ABCA4: variants seen among roughly 807,000 people sequenced by gnomAD.
ABCA4 encodes ATP binding cassette subfamily A member 4, also known as retinal-specific phospholipid-transporting ATPase ABCA4.
A neutral mutation model predicts 263.7 loss-of-function variants in ABCA4; 196 were observed. The ratio of observed to expected loss-of-function variants is 0.74; its 90% CI spans 0.66 to 0.84. ABCA4 has a LOEUF of 0.84. Among genes scored for constraint, ABCA4 ranks in the 40% least tolerant of loss-of-function variants. The probability of loss-of-function intolerance (pLI) is 0.00; values close to 1 mark genes in which losing one functional copy is unlikely to be tolerated. For missense variants in ABCA4, 2,792 were observed against 2,855.1 expected, an observed-to-expected ratio of 0.98 and a Z score of 0.50; for synonymous variants, 1,133 against 1,094.2, an observed-to-expected ratio of 1.04 and a Z score of -0.70.
intron 14 of ABCA4, among the ~76,000 whole-genome samples, chr1:94,058,338 C>G (rs1661032293): frequency 6.6e-6 from 1 of 152,146 alleles, no homozygotes; most frequent in African/African-American, 2.4e-5. Flanking sequence ...TTGCAGTTCT[C>G]AGAAGAATGA....
At chr1:94,114,946 G>T (rs971615656) in intron 1 of ABCA4, among the ~76,000 whole-genome samples, 1 of 152,176 alleles carries the variant, frequency 6.6e-6, no homozygotes, top group Non-Finnish European at 1.5e-5. Context: ...CTCATAATAG[G>T]TGCCCAATAA....
intron 11 of ABCA4, among the ~76,000 whole-genome samples, chr1:94,067,044 C>T (rs960877399): frequency 2.0e-5 from 3 of 152,076 alleles, no homozygotes; most frequent in South Asian, 2.1e-4. Context: ...GCTTGTTCGC[C>T]GTGGTCTCTA....
intron 19 of ABCA4, among the ~76,000 whole-genome samples, chr1:94,046,556 C>G (rs745729388): frequency 9.2e-5 from 14 of 151,628 alleles, no homozygotes; most frequent in Non-Finnish European, 1.3e-4. Context: ...TGATCACCAC[C>G]ATGGACTGTT....
intron 11 of ABCA4, among the ~76,000 whole-genome samples, chr1:94,064,962 T>C (rs1007347): frequency 0.35 from 52,404 of 151,830 alleles, 9,788 homozygotes; most frequent in East Asian, 0.7. Flanking sequence ...GAAGACTGGG[T>C]TATTGATGTA....
At chr1:94,060,843 G>A (rs1661103434) in intron 13 of ABCA4, 84 bp from the exon 14 acceptor site, 1 of 1,164,714 alleles carries the variant, frequency 8.6e-7, no homozygotes, top group Non-Finnish European at 1.3e-6. Context: ...TGAATGTGTT[G>A]AGAACAAAGC....
rs200277065 is a variant in ABCA4 at position 94,056,769 on chromosome 1, C to A, written c.2214G>T (p.Leu738Phe). ...SDPFILFLFL[L>F]AFSTATIMLC... The stretch of plus-strand genomic sequence containing the variant: ...GCATGATGGTGGCAGTGGAGAAAGC[C>A]AACAAGAACAGGAAGAGGATGAATG... The change falls in exon 15 of 50, where the codon TTG (leucine) becomes TTT (phenylalanine). Residue 738 changes from leucine to phenylalanine, a missense_variant. Physicochemically the swap from Leu to Phe is conservative, Grantham distance 22. Transcript: ENST00000370225. The A allele has an allele frequency of 1.2e-6, 2 of 1,613,190 alleles. No homozygotes were observed. Among genetic ancestry groups the A allele is most frequent in the East Asian group, 4.5e-5 (2 of 44,826 alleles).
rs796395227 is a variant in ABCA4, at chr1:94,028,925, A to AC, written c.4539+519_4539+520insG. ...CTGTCTCAAAAAAAAAAAAAAAAAA[A>AC]AAAAAGAAATTCAAACAATGGGATA... On this transcript the variant is annotated intron_variant, in intron 30 of 49. Coordinates refer to ENST00000370225, the MANE Select transcript of ABCA4 (RefSeq NM_000350.3). Among the ~76,000 whole-genome samples, 193 of 127,518 alleles carry AC rather than the reference A, an allele frequency of 1.5e-3. 15 individuals carry two copies. Among genetic ancestry groups the AC allele is most frequent in the African/African-American group, 4.5e-3 (177 of 39,172 alleles). The allele number at this position is 127,518 out of a possible 152,430, so 83.7% of individuals were successfully genotyped here. A position where few individuals can be genotyped will look rare whatever the true frequency, so the allele number is the denominator to read the frequency against.
chr1:94,049,318 G>A (rs1157294678), intron 17 of ABCA4, among the ~76,000 whole-genome samples: 1 of 152,196 alleles, frequency 6.6e-6, no homozygotes, highest in African/African-American at 2.4e-5. Flanking sequence ...AAGTCATGGT[G>A]AACCTTGAGT....
intron 6 of ABCA4, among the ~76,000 whole-genome samples, chr1:94,086,338 TTTAAG>T: frequency 6.6e-6 from 1 of 152,366 alleles, no homozygotes; most frequent in South Asian, 2.1e-4. Flanking sequence ...CAAGTCTGCT[TTTAAG>T]TTGTCTTTTT....
At chr1:94,029,785 T>C (rs1037030848) in intron 29 of ABCA4, among the ~76,000 whole-genome samples, 154 bp from the exon 30 acceptor site, 6 of 152,184 alleles carry the variant, frequency 3.9e-5, no homozygotes, top group African/African-American at 1.4e-4. Context: ...TCAAGCAATA[T>C]CAAAACTAGG....
intron 16 of ABCA4, among the ~76,000 whole-genome samples, chr1:94,052,179 G>GC (rs988239371): frequency 3.3e-5 from 5 of 152,142 alleles, no homozygotes; most frequent in Admixed American, 6.5e-5. Context: ...TCAGCCATCT[G>GC]CCCCCCGTCA....
intron 6 of ABCA4, among the ~76,000 whole-genome samples, chr1:94,088,525 T>A (rs1019778523): frequency 6.6e-6 from 1 of 152,258 alleles, no homozygotes; most frequent in South Asian, 2.1e-4. Context: ...TCCAGCGTGT[T>A]CTGAACTGAC....
At chr1:94,105,905 C>A (rs1186131665) in intron 4 of ABCA4, among the ~76,000 whole-genome samples, 1 of 152,186 alleles carries the variant, frequency 6.6e-6, no homozygotes, top group Admixed American at 6.5e-5. Flanking sequence ...AGCCCCGCCA[C>A]CCCCACCCGC....
In ABCA4 at chr1:94,078,579, A is replaced by AC. The variant is rs281865386; in HGVS notation, c.1356+10dup. The AC allele has an allele frequency of 0.68, 769,924 of 1,125,016 alleles. 293,115 individuals are homozygous for AC. Among genetic ancestry groups the AC allele is most frequent in the East Asian group, 0.82 (32,753 of 39,824 alleles). The allele number at this position is 1,125,016 out of a possible 1,614,324, so 69.7% of individuals were successfully genotyped here. On this transcript the variant is annotated intron_variant, in intron 10 of 49. Transcript: ENST00000370225. The stretch of plus-strand genomic sequence containing the variant: ...CCTCCCCTCCCCTCCCCATCCTCCA[A>AC]CCCCCCTTACTCTGATCATGTTCAT...
intron 11 of ABCA4, among the ~76,000 whole-genome samples, chr1:94,070,259 C>G (rs1380253453): frequency 6.6e-6 from 1 of 152,186 alleles, no homozygotes; most frequent in East Asian, 1.9e-4. Context: ...GGCAGTAAAA[C>G]AGCAAAGTTG....
In ABCA4 at chr1:94,043,470, G is replaced by A. The variant is rs201855602; in HGVS notation, c.3056C>T (p.Thr1019Met). The A allele has an allele frequency of 5.2e-5, 84 of 1,614,042 alleles. No homozygotes were observed. The highest frequency in any genetic ancestry group is 5.7e-5 in the Non-Finnish European group (67 of 1,180,042). ...PQHNILFHHL[T>M]VAEHMLFYAQ... is the part of the protein sequence containing the mutation. The stretch of plus-strand genomic sequence containing the variant: ...ATAGAACAGCATGTGCTCAGCCACC[G>A]TGAGGCTAGGAGGATGGGACAACGA... The change falls in exon 21 of 50, where the codon ACG becomes ATG. Residue 1019 changes from threonine to methionine, a missense_variant. By Grantham distance (81) the Thr-to-Met change is moderately conservative (BLOSUM62 -1). Transcript: ENST00000370225.
At chr1:94,071,856 G>T (rs1661406854) in intron 11 of ABCA4, among the ~76,000 whole-genome samples, 1 of 152,186 alleles carries the variant, frequency 6.6e-6, no homozygotes, top group African/African-American at 2.4e-5. Flanking sequence ...CATGGCTCTT[G>T]AAATAATATT....
intron 43 of ABCA4, among the ~76,000 whole-genome samples, chr1:94,007,220 C>G (rs533215037): frequency 6.6e-6 from 1 of 152,134 alleles, no homozygotes; most frequent in African/African-American, 2.4e-5. Context: ...CCTGCAGGAT[C>G]ATAAATGTGA....
intron 6 of ABCA4, among the ~76,000 whole-genome samples, 189 bp downstream of exon 6, chr1:94,098,605 G>T (rs112311631): frequency 3.3e-5 from 5 of 152,280 alleles, no homozygotes; most frequent in African/African-American, 4.8e-5. Context: ...ACCTCATAGT[G>T]ACTTCTGGGT....
Sources: gnomAD v4.1 joint callset for allele counts (sites outside exome capture counted in the v4.1 genomes callset) on GRCh38, gnomAD v4.1.1 for gene constraint, MANE v1.5 for transcripts, NCBI Gene and HGNC (gene_info 2026-07-23, HGNC 2026-07-21) for gene names.